SLC13A1: variants seen among roughly 807,000 people sequenced by gnomAD.
SLC13A1 encodes the protein solute carrier family 13 member 1.
A neutral mutation model predicts 70.0 loss-of-function variants in SLC13A1; 65 were observed. That is an observed-to-expected ratio of 0.93 (90% CI 0.76 to 1.14). The LOEUF is 1.14. Ranked by LOEUF, SLC13A1 falls within the 50% of genes most tolerant of loss-of-function variation. SLC13A1 has a pLI of 0.00. For synonymous variants in SLC13A1, 275 were observed against 250.5 expected, an observed-to-expected ratio of 1.10 and a Z score of -0.92; for missense variants, 726 against 717.8, an observed-to-expected ratio of 1.01 and a Z score of -0.13.
chr7:123,132,288 G>A (rs1793789982), intron 8 of SLC13A1, among the ~76,000 whole-genome samples: 1 of 152,170 alleles, frequency 6.6e-6, no homozygotes. Context: ...GGAATCAAGA[G>A]GGGAGAATGT....
At chr7:123,179,693 G>C (rs1795574863) in intron 2 of SLC13A1, among the ~76,000 whole-genome samples, 1 of 152,036 alleles carries the variant, frequency 6.6e-6, no homozygotes, top group African/African-American at 2.4e-5. Flanking sequence ...TCCCATAACA[G>C]CTTGCTACAG....
At chr7:123,197,136 G>A (rs1796213112) in intron 1 of SLC13A1, among the ~76,000 whole-genome samples, 3 of 152,100 alleles carry the variant, frequency 2.0e-5, no homozygotes, top group African/African-American at 7.2e-5. Context: ...AAACCAGTTA[G>A]GGTCTTTCTT....
In SLC13A1 at chr7:123,181,087, G is replaced by A; in HGVS notation, c.114C>T (p.Ala38=). 2 of 1,612,058 alleles carry A rather than the reference G, an allele frequency of 1.2e-6. No individual in the cohort carries two copies. Among genetic ancestry groups the A allele is most frequent in the Non-Finnish European group, 1.7e-6 (2 of 1,178,788 alleles). ...IVLHTKEAEC[A]YTLFVVATFW... is the part of the protein sequence containing the mutation. ...ATGTGGCGACCACAAAGAGTGTGTA[G>A]GCACATTCTGCTTCCTGGTAAGAAC... Residue 38 remains alanine (A), a synonymous_variant, in exon 2 of 15, where the codon GCC becomes GCT. Coordinates refer to ENST00000194130, the MANE Select transcript of SLC13A1 (RefSeq NM_022444.4).
intron 13 of SLC13A1, 34 bp downstream of exon 13, chr7:123,119,047 T>A (rs1585281854): frequency 5.1e-6 from 8 of 1,583,444 alleles, no homozygotes; most frequent in Non-Finnish European, 6.9e-6. Flanking sequence ...CTGCTCTTAA[T>A]GAAGAGTAAA....
chr7:123,148,392 C>A (rs1468681571), intron 6 of SLC13A1: 2 of 396,946 alleles, frequency 5.0e-6, no homozygotes, highest in Non-Finnish European at 1.0e-5. Context: ...GTCACCCCAC[C>A]CCCATAGTTA....
intron 2 of SLC13A1, among the ~76,000 whole-genome samples, chr7:123,175,707 C>T (rs917210444): frequency 2.0e-5 from 3 of 152,004 alleles, no homozygotes; most frequent in Non-Finnish European, 4.4e-5. Flanking sequence ...GTTTATTTAC[C>T]CAGCTTAATG....
intron 6 of SLC13A1, among the ~76,000 whole-genome samples, chr7:123,159,490 G>A (rs1047578981): frequency 6.6e-6 from 1 of 152,176 alleles, no homozygotes; most frequent in Non-Finnish European, 1.5e-5. Flanking sequence ...AACCGACCCA[G>A]ATAACACCTT....
rs754745842 is a variant in SLC13A1, at chr7:123,117,609, C to A, written c.1513-1G>T. ...GAGGGTTCACATGAATGGCTTCGGC[C>A]TGTTGTAAGAGATAAAAAAGAGTCT... On this transcript the variant is annotated splice_acceptor_variant, in intron 13 of 14. Transcript: ENST00000194130. LOFTEE classifies it high-confidence loss of function. 2 of 1,591,852 alleles carry A rather than the reference C, an allele frequency of 1.3e-6. No individual in the cohort carries two copies. Among genetic ancestry groups the A allele is most frequent in the Non-Finnish European group, 1.7e-6 (2 of 1,167,426 alleles).
chr7:123,139,916 CTGAT>C (rs1250139007), intron 7 of SLC13A1, among the ~76,000 whole-genome samples: 1 of 151,942 alleles, frequency 6.6e-6, no homozygotes, highest in Non-Finnish European at 1.5e-5. Context: ...TTTCTCTTGT[CTGAT>C]TGCTCTAGCT....
At chr7:123,162,281 A>G (rs1338056573) in intron 6 of SLC13A1, among the ~76,000 whole-genome samples, 3 of 152,162 alleles carry the variant, frequency 2.0e-5, no homozygotes, top group Non-Finnish European at 4.4e-5. Context: ...TATTGTCAAA[A>G]GTCAATAGTT....
chr7:123,194,044 A>G (rs938554881), intron 1 of SLC13A1, among the ~76,000 whole-genome samples: 10 of 152,122 alleles, frequency 6.6e-5, no homozygotes, highest in African/African-American at 4.8e-5. Flanking sequence ...ACTATCTACT[A>G]TGTGACAGGC....
At chr7:123,191,976 T>G (rs1371376301) in intron 1 of SLC13A1, among the ~76,000 whole-genome samples, 5 of 152,200 alleles carry the variant, frequency 3.3e-5, no homozygotes, top group East Asian at 1.9e-4. Context: ...ATATATCTTA[T>G]AAAACACTAA....
Position 123,115,422 on chromosome 7 carries a change from TA to T in SLC13A1, c.*95del. On this transcript the variant is annotated 3_prime_UTR_variant, in exon 15 of 15. Coordinates refer to ENST00000194130, the MANE Select transcript of SLC13A1 (RefSeq NM_022444.4). ...TGCAGCAGCTACACCATAACTGATT[TA>T]AATGTGTGTCATTAGTTATTTAGAG... The T allele has an allele frequency of 3.9e-6, 5 of 1,268,674 alleles. No homozygotes were observed. Among genetic ancestry groups the T allele is most frequent in the Non-Finnish European group, 5.6e-6 (5 of 896,284 alleles). The allele number at this position is 1,268,674 out of a possible 1,614,324, so 78.6% of individuals were successfully genotyped here. A position where few individuals can be genotyped will look rare whatever the true frequency, so the allele number is the denominator to read the frequency against.
intron 1 of SLC13A1, among the ~76,000 whole-genome samples, chr7:123,194,928 C>T (rs1401751807): frequency 1.3e-5 from 2 of 152,092 alleles, no homozygotes; most frequent in African/African-American, 4.8e-5. Flanking sequence ...GGTTTATCCA[C>T]TTTTTAATTA....
intron 6 of SLC13A1, chr7:123,148,574 C>T: frequency 2.6e-6 from 1 of 380,312 alleles, no homozygotes; most frequent in Middle Eastern, 3.6e-4. Flanking sequence ...CTTCCTCTTC[C>T]TGTGGCGAAA....
rs921626075 is a variant in SLC13A1 at position 123,123,063 on chromosome 7, T to A, written c.1350+63A>T. Reference sequence around the variant, plus strand: ...ATTGAATATGCCCAAAGATTGAATGTCTCTGTGCTCTTCTTTTGAACAGTC... The same window carrying A: ...ATTGAATATGCCCAAAGATTGAATGACTCTGTGCTCTTCTTTTGAACAGTC... On this transcript the variant is annotated intron_variant, in intron 12 of 14. Coordinates refer to ENST00000194130, the MANE Select transcript of SLC13A1 (RefSeq NM_022444.4). The A allele has an allele frequency of 4.8e-6, 6 of 1,259,090 alleles. No homozygotes were observed. In the African/African-American group the frequency reaches 5.9e-5, roughly 12 times the overall value. 78.0% of individuals were successfully genotyped at this position (1,259,090 alleles called of 1,614,324 possible).
At chr7:123,196,059 C>A (rs1371155743) in intron 1 of SLC13A1, among the ~76,000 whole-genome samples, 1 of 151,860 alleles carries the variant, frequency 6.6e-6, no homozygotes, top group African/African-American at 2.4e-5. Context: ...TAAAAATTAA[C>A]AAAATAGCCT....
chr7:123,128,540 G>A (rs1793642503), intron 10 of SLC13A1, among the ~76,000 whole-genome samples: 1 of 152,082 alleles, frequency 6.6e-6, no homozygotes, highest in Admixed American at 6.6e-5. Flanking sequence ...TAGCCTTTGT[G>A]CTGTTATATT....
At chr7:123,144,041 A>G (rs1794257298) in intron 7 of SLC13A1, among the ~76,000 whole-genome samples, 1 of 152,176 alleles carries the variant, frequency 6.6e-6, no homozygotes. Flanking sequence ...AATAAAACCT[A>G]GGAAATGGAG....
Sources: gnomAD v4.1 joint callset for allele counts (sites outside exome capture counted in the v4.1 genomes callset) on GRCh38, gnomAD v4.1.1 for gene constraint, MANE v1.5 for transcripts, NCBI Gene and HGNC (gene_info 2026-07-23, HGNC 2026-07-21) for gene names.